Variants in NBL1 observed in about 807,000 individuals in gnomAD.
The protein encoded by NBL1 is NBL1, DAN family BMP antagonist.
In NBL1, 9 loss-of-function variants were observed where a neutral mutation model predicts 16.0. The observed-to-expected ratio is 0.56, with a 90% confidence interval of 0.34 to 0.98. The LOEUF (loss-of-function observed/expected upper bound fraction) is 0.98, where lower values mean the gene tolerates loss of function less well. Ranked by LOEUF, NBL1 falls within the 50% of genes least tolerant of loss-of-function variation. The pLI is 0.02. For synonymous variants in NBL1, 86 were observed against 100.7 expected (o/e 0.85, Z 0.87); for missense variants, 196 against 243.1 (o/e 0.81, Z 1.29).
chr1:19,646,724 T>C (rs1281929671), intron 1 of NBL1, among the ~76,000 whole-genome samples: 1 of 152,218 alleles, frequency 6.6e-6, no homozygotes, highest in East Asian at 1.9e-4. Context: ...AGTTGGATTC[T>C]GGAGGAGGCT....
At position 19,644,346 on chromosome 1, in the gene NBL1, C is replaced by A; in HGVS notation, c.-120C>A. 1 of 978,800 alleles carries A rather than the reference C, an allele frequency of 1.0e-6. No individual in the cohort carries two copies. The highest frequency in any genetic ancestry group is 1.2e-6 in the Non-Finnish European group (1 of 827,128). 60.6% of individuals were successfully genotyped at this position (978,800 alleles called of 1,614,324 possible). ...CGCAGCGCAGCCCAGCCGAGCGTCGCGGGGCCGCCCCCCGCCCTGCCGGCC... is the reference window on the plus strand; with the variant it reads ...CGCAGCGCAGCCCAGCCGAGCGTCGAGGGGCCGCCCCCCGCCCTGCCGGCC... On this transcript the variant is annotated 5_prime_UTR_variant, in exon 1 of 4. Transcript: ENST00000375136. The surrounding 1 kb of genome is among the most constrained non-coding windows in gnomAD (Gnocchi z 4.6).
At chr1:19,648,243 G>A (rs1198879110) in intron 1 of NBL1, among the ~76,000 whole-genome samples, 2 of 152,192 alleles carry the variant, frequency 1.3e-5, no homozygotes, top group African/African-American at 2.4e-5. Context: ...TATTTAGGGT[G>A]CATTTAGGAT....
chr1:19,646,741 T>A (rs2094982820), intron 1 of NBL1, among the ~76,000 whole-genome samples: 1 of 152,240 alleles, frequency 6.6e-6, no homozygotes, highest in Admixed American at 6.5e-5. Flanking sequence ...GGCTGGTGTC[T>A]CCACGACCCT....
chr1:19,650,268 GCTAA>G (rs1275077572), intron 1 of NBL1, among the ~76,000 whole-genome samples: 2 of 152,184 alleles, frequency 1.3e-5, no homozygotes, highest in Non-Finnish European at 2.9e-5. Flanking sequence ...CATCCCCATG[GCTAA>G]CTGACGCATG....
At chr1:19,644,137 G>A (rs2094962766), upstream of NBL1, 12 of 978,412 alleles carry the variant, frequency 1.2e-5, no homozygotes, top group Non-Finnish European at 1.3e-5. This position sits in a 1 kb window ranked among gnomAD's most constrained non-coding sequence, Gnocchi z 4.6. Context: ...GAGAGGGCCC[G>A]GGGCCCCTGC....
intron 3 of NBL1, 135 bp from the exon 4 acceptor site, chr1:19,656,731 G>T: frequency 7.2e-7 from 1 of 1,391,588 alleles, no homozygotes; most frequent in Non-Finnish European, 9.4e-7. Context: ...CCTCCCCATG[G>T]GACCCCAGAG....
chr1:19,645,701 C>A, intron 1 of NBL1: 1 of 1,266,498 alleles, frequency 7.9e-7, no homozygotes, highest in South Asian at 1.8e-5. Context: ...GAGGCTGCAG[C>A]GTTTCCTCGG....
intron 1 of NBL1, among the ~76,000 whole-genome samples, chr1:19,652,934 G>A (rs1231951041): frequency 2.0e-5 from 3 of 151,844 alleles, no homozygotes; most frequent in Non-Finnish European, 1.5e-5. Flanking sequence ...GTTGCAGTGA[G>A]CCAAGATCAT....
intron 1 of NBL1, among the ~76,000 whole-genome samples, chr1:19,649,866 G>T (rs1046146409): frequency 6.6e-6 from 1 of 152,060 alleles, no homozygotes; most frequent in Non-Finnish European, 1.5e-5. Context: ...GTCTTATGTT[G>T]CCCAGGCTGG....
intron 1 of NBL1, among the ~76,000 whole-genome samples, chr1:19,652,596 G>T (rs1343408673): frequency 6.6e-6 from 1 of 152,148 alleles, no homozygotes; most frequent in East Asian, 1.9e-4. Context: ...GGAACTTGCT[G>T]GATGGGGAGC....
chr1:19,656,730 G>A, intron 3 of NBL1, 136 bp from the exon 4 acceptor site: 1 of 1,389,040 alleles, frequency 7.2e-7, no homozygotes, highest in East Asian at 2.5e-5. Context: ...CCCTCCCCAT[G>A]GGACCCCAGA....
rs112805738 is a variant in NBL1 at position 19,649,574 on chromosome 1, G to T, written c.-20+5128G>T. Among the ~76,000 whole-genome samples, 182 of 152,160 alleles carry T rather than the reference G, an allele frequency of 1.2e-3. 1 individual carries two copies. The highest frequency in any genetic ancestry group is 4.2e-3 in the African/African-American group (176 of 41,508). ...GGGTTTCGCCATGTTGGCCAGGCTG[G>T]TCTCGAACTCCTGACCTCAAGTGAT... On this transcript the variant is annotated intron_variant, in intron 1 of 3. Transcript: ENST00000375136.
chr1:19,644,145 T>C (rs1304584804), upstream of NBL1: 5 of 978,632 alleles, frequency 5.1e-6, no homozygotes, highest in Non-Finnish European at 6.1e-6. This position sits in a 1 kb window ranked among gnomAD's most constrained non-coding sequence, Gnocchi z 4.6. Flanking sequence ...CCGGGGCCCC[T>C]GCCGCCGCGG....
At chr1:19,652,677 C>T (rs562069029) in intron 1 of NBL1, among the ~76,000 whole-genome samples, 1 of 152,252 alleles carries the variant, frequency 6.6e-6, no homozygotes, top group South Asian at 2.1e-4. Context: ...CCCGTGCTCC[C>T]CAGACACTTT....
At chr1:19,652,143 G>T (rs2100426033) in intron 1 of NBL1, among the ~76,000 whole-genome samples, 1 of 152,236 alleles carries the variant, frequency 6.6e-6, no homozygotes, top group South Asian at 2.1e-4. Context: ...TCCTGAGGAA[G>T]CAAGATGGGG....
chr1:19,655,504 A>G, intron 3 of NBL1, 69 bp downstream of exon 3: 1 of 1,544,224 alleles, frequency 6.5e-7, no homozygotes, highest in Non-Finnish European at 8.8e-7. Context: ...CTTTCTCCCC[A>G]GGCTCCTGTA....
chr1:19,644,031 T>C (rs2094962055), upstream of NBL1: 2 of 982,110 alleles, frequency 2.0e-6, no homozygotes, highest in Middle Eastern at 5.2e-4. The surrounding 1 kb of genome is among the most constrained non-coding windows in gnomAD (Gnocchi z 4.6). Flanking sequence ...GGCGCCCGGC[T>C]GGGCTGCCCT....
intron 1 of NBL1, among the ~76,000 whole-genome samples, chr1:19,648,596 G>A (rs999548814): frequency 3.9e-5 from 6 of 152,224 alleles, no homozygotes; most frequent in Non-Finnish European, 7.3e-5. Flanking sequence ...CCTCTTCCCC[G>A]GAGTGGGAGC....
rs1326359377 is a variant in NBL1 at position 19,644,841 on chromosome 1, T to A, written c.-20+395T>A. 6.6e-6 allele frequency among the ~76,000 whole-genome samples: 1 copy of A among 151,954 alleles called. No homozygotes were observed. Among genetic ancestry groups the A allele is most frequent in the African/African-American group, 2.4e-5 (1 of 41,354 alleles). On this transcript the variant is annotated intron_variant, in intron 1 of 3. Transcript: ENST00000375136. This position sits in a 1 kb window ranked among gnomAD's most constrained non-coding sequence, Gnocchi z 4.6. ...GCCTCGCCGCGCCGCGCCTCTCGGC[T>A]CTGGACGTTTCCGCCTCCCGCGGCC...
Sources: allele counts gnomAD v4.1 joint callset (sites outside exome capture counted in the v4.1 genomes callset), GRCh38; gene constraint gnomAD v4.1.1; non-coding constraint Gnocchi (gnomAD v3.1); transcripts MANE v1.5; gene names NCBI Gene and HGNC (gene_info 2026-07-23, HGNC 2026-07-21).